Variants in PCCA observed in about 807,000 individuals in gnomAD.
PCCA encodes the protein propionyl-CoA carboxylase alpha chain, mitochondrial.
In PCCA, 74 loss-of-function variants were observed where a neutral mutation model predicts 101.3. The observed-to-expected ratio is 0.73, with a 90% CI of 0.61 to 0.89. The LOEUF is 0.89. PCCA is among the 40% of genes least tolerant of loss of function. The pLI is 0.00. For synonymous variants in PCCA, 294 were observed against 313.6 expected, an observed-to-expected ratio of 0.94 and a Z score of 0.66; for missense variants, 891 against 907.0, an observed-to-expected ratio of 0.98 and a Z score of 0.23.
intron 4 of PCCA, among the ~76,000 whole-genome samples, chr13:100,148,247 A>G (rs139245650): frequency 1.3e-5 from 2 of 152,094 alleles, no homozygotes; most frequent in African/African-American, 2.4e-5. Flanking sequence ...GAATTATGTC[A>G]TATCTCAGGT....
intron 4 of PCCA, among the ~76,000 whole-genome samples, chr13:100,133,619 C>T (rs2050790204): frequency 6.6e-6 from 1 of 150,920 alleles, no homozygotes; most frequent in Middle Eastern, 3.2e-3. Flanking sequence ...TGAATTATTT[C>T]AACACCATTC....
At chr13:100,149,389 C>A (rs148888036) in intron 4 of PCCA, 7 of 152,262 alleles carry the variant, frequency 4.6e-5, no homozygotes, top group African/African-American at 1.4e-4. Context: ...GTGCAGCCAT[C>A]ACTATAATCT....
chr13:100,496,918 G>A (rs1318263150), intron 21 of PCCA, among the ~76,000 whole-genome samples: 4 of 152,212 alleles, frequency 2.6e-5, no homozygotes, highest in African/African-American at 9.7e-5. Context: ...TTCATGGTGT[G>A]TTCAGGTCGC....
chr13:100,251,174 G>A (rs558400133), intron 8 of PCCA, among the ~76,000 whole-genome samples: 62 of 152,244 alleles, frequency 4.1e-4, no homozygotes, highest in Non-Finnish European at 7.8e-4. Context: ...AAAGTGAATA[G>A]ATTTGATCTT....
rs2078432870 is a variant in PCCA at position 100,417,182 on chromosome 13, C to G, written c.1747-8451C>G. Among the ~76,000 whole-genome samples the G allele has an allele frequency of 3.3e-5, 5 of 152,186 alleles. No homozygotes were observed. In the South Asian group the frequency reaches 1.0e-3, roughly 32 times the overall value. ...TAATTATAAATAATTTTCAACCAAA[C>G]TGATATGTTTGGTTAAGCTGGGGAA... On this transcript the variant is annotated intron_variant, in intron 19 of 23. Transcript: ENST00000376285.
intron 12 of PCCA, among the ~76,000 whole-genome samples, chr13:100,292,905 T>C (rs1294144611): frequency 6.7e-6 from 1 of 150,004 alleles, no homozygotes; most frequent in African/African-American, 2.5e-5. Context: ...AAGATTAATA[T>C]TAGGACCCTG....
At chr13:100,294,950 G>GT (rs960273438) in intron 12 of PCCA, among the ~76,000 whole-genome samples, 4 of 151,822 alleles carry the variant, frequency 2.6e-5, no homozygotes, top group Middle Eastern at 3.4e-3. Flanking sequence ...TCTTTTTTTT[G>GT]TTTTTTTCTG....
At chr13:100,341,042 G>A (rs958844916) in intron 18 of PCCA, among the ~76,000 whole-genome samples, 27 of 152,172 alleles carry the variant, frequency 1.8e-4, no homozygotes, top group Admixed American at 1.2e-3. Flanking sequence ...TTGGATTTAG[G>A]CTGTATCTTA....
At chr13:100,381,097 T>A (rs1262648676) in intron 19 of PCCA, among the ~76,000 whole-genome samples, 1 of 152,010 alleles carries the variant, frequency 6.6e-6, no homozygotes, top group African/African-American at 2.4e-5. Context: ...ATAACAAGTG[T>A]TGGTAGGCCA....
intron 4 of PCCA, among the ~76,000 whole-genome samples, chr13:100,131,379 C>T (rs1051011896): frequency 2.0e-5 from 3 of 152,110 alleles, no homozygotes; most frequent in Non-Finnish European, 2.9e-5. Context: ...TTTCCAAGAA[C>T]GAAGGGTGGT....
intron 4 of PCCA, among the ~76,000 whole-genome samples, chr13:100,152,209 C>G (rs1223454050): frequency 6.6e-6 from 1 of 152,228 alleles, no homozygotes; most frequent in Non-Finnish European, 1.5e-5. Flanking sequence ...GTACCCTGCC[C>G]CCTGAAGTAA....
chr13:100,112,132 G>C, intron 4 of PCCA, 71 bp downstream of exon 4: 1 of 1,087,152 alleles, frequency 9.2e-7, no homozygotes, highest in Non-Finnish European at 1.4e-6. Flanking sequence ...AGACATACAG[G>C]CTTTTTTTCT....
chr13:100,188,325 A>AAAAC (rs1555371932), intron 6 of PCCA, among the ~76,000 whole-genome samples: 22,092 of 147,652 alleles, frequency 0.15, 1,767 homozygotes, highest in Middle Eastern at 0.21. Flanking sequence ...AAAACAAAAC[A>AAAAC]AAAACACAAA....
intron 4 of PCCA, among the ~76,000 whole-genome samples, chr13:100,151,969 ATTGTTTGT>A (rs148840719): frequency 1.3e-3 from 195 of 151,862 alleles, no homozygotes; most frequent in African/African-American, 4.5e-3. Flanking sequence ...TTGCTTGAAT[ATTGTTTGT>A]TTGTTTTGTA....
At chr13:100,505,857 C>T (rs1234180461) in intron 21 of PCCA, among the ~76,000 whole-genome samples, 8 of 148,702 alleles carry the variant, frequency 5.4e-5, no homozygotes, top group Admixed American at 4.0e-4. Context: ...TCTGCCCACC[C>T]TCCCCCATCC....
intron 18 of PCCA, among the ~76,000 whole-genome samples, chr13:100,347,938 T>TAA (rs1285305859): frequency 3.2e-4 from 49 of 150,836 alleles, no homozygotes; most frequent in African/African-American, 1.1e-3. Context: ...AAATATAGTG[T>TAA]TCTTCTTCAG....
chr13:100,461,322 A>T (rs1021503034), intron 21 of PCCA, among the ~76,000 whole-genome samples: 1 of 152,260 alleles, frequency 6.6e-6, no homozygotes, highest in Non-Finnish European at 1.5e-5. Flanking sequence ...ATTTATAGAT[A>T]TGTAAACATC....
chr13:100,125,042 T>C (rs1464130308), intron 4 of PCCA, among the ~76,000 whole-genome samples: 3 of 152,188 alleles, frequency 2.0e-5, no homozygotes, highest in Non-Finnish European at 4.4e-5. Context: ...AGCTGATGCC[T>C]ATCACTGATC....
chr13:100,322,331 T>C (rs144575385), intron 16 of PCCA, among the ~76,000 whole-genome samples: 10 of 152,254 alleles, frequency 6.6e-5, no homozygotes, highest in Admixed American at 3.9e-4. Flanking sequence ...TTGTCATGCC[T>C]ACCTACAAGC....
Sources: allele counts gnomAD v4.1 joint callset (sites outside exome capture counted in the v4.1 genomes callset), GRCh38; gene constraint gnomAD v4.1.1; transcripts MANE v1.5; gene names NCBI Gene and HGNC (gene_info 2026-07-23, HGNC 2026-07-21).